HOOK1: variants seen among roughly 807,000 people sequenced by gnomAD.
The protein encoded by HOOK1 is protein Hook homolog 1.
A neutral mutation model predicts 112.8 loss-of-function variants in HOOK1; 60 were observed. The ratio of observed to expected loss-of-function variants is 0.53; its 90% CI spans 0.43 to 0.66. The LOEUF (loss-of-function observed/expected upper bound fraction) is 0.66, where lower values mean the gene tolerates loss of function less well. HOOK1 is among the 30% of genes least tolerant of loss of function. HOOK1 has a pLI of 0.00. For missense variants in HOOK1, 770 were observed against 856.0 expected, an observed-to-expected ratio of 0.90 and a Z score of 1.25; for synonymous variants, 294 against 283.8, an observed-to-expected ratio of 1.04 and a Z score of -0.36.
intron 17 of HOOK1, chr1:59,864,899 T>C (rs1290597809): frequency 9.0e-6 from 5 of 553,716 alleles, no homozygotes; most frequent in Non-Finnish European, 1.6e-5. Context: ...AAAAACAGAT[T>C]AACTATCACA....
chr1:59,829,690 T>G (rs762841952), intron 3 of HOOK1, among the ~76,000 whole-genome samples: 1 of 152,092 alleles, frequency 6.6e-6, no homozygotes, highest in Non-Finnish European at 1.5e-5. Context: ...CTAGATGTTT[T>G]TCAATTTTAC....
At chr1:59,868,864 T>G (rs1644011594) in intron 20 of HOOK1, among the ~76,000 whole-genome samples, 1 of 152,228 alleles carries the variant, frequency 6.6e-6, no homozygotes, top group Non-Finnish European at 1.5e-5. Context: ...TTATTAATCA[T>G]GCAAAATTAT....
intron 21 of HOOK1, among the ~76,000 whole-genome samples, chr1:59,871,862 C>T (rs1425000136): frequency 6.6e-6 from 1 of 152,144 alleles, no homozygotes; most frequent in African/African-American, 2.4e-5. Context: ...TTCATGACAC[C>T]ATGCTTTTCA....
intron 3 of HOOK1, among the ~76,000 whole-genome samples, chr1:59,829,813 G>A (rs900408348): frequency 2.2e-4 from 34 of 151,688 alleles, no homozygotes; most frequent in African/African-American, 8.0e-4. Flanking sequence ...TTCTTAAGGT[G>A]GAAGCTTAAA....
At chr1:59,832,423 T>TA (rs918852655) in intron 4 of HOOK1, among the ~76,000 whole-genome samples, 5 of 152,142 alleles carry the variant, frequency 3.3e-5, no homozygotes, top group African/African-American at 1.2e-4. Context: ...TAGGTATTGA[T>TA]ACTCTCCGAA....
Position 59,865,867 on chromosome 1 carries a change from A to C in HOOK1, c.1745-5A>C, listed in dbSNP as rs760326163. The C allele has an allele frequency of 5.5e-6, 8 of 1,453,838 alleles. No homozygotes were observed. Among genetic ancestry groups the C allele is most frequent in the Non-Finnish European group, 6.6e-6 (7 of 1,060,498 alleles). The allele number at this position is 1,453,838 out of a possible 1,614,324, so 90.1% of individuals were successfully genotyped here. ...GATTATGCTTCATTTTATTTTTACT[A>C]ATAGTACAAAAGATCAATGAACTTG... On this transcript the variant is annotated splice_polypyrimidine_tract_variant and splice_region_variant and intron_variant, in intron 18 of 21. Transcript: ENST00000371208.
intron 20 of HOOK1, 75 bp downstream of exon 20, chr1:59,868,426 C>T (rs746685181): frequency 1.6e-5 from 14 of 859,726 alleles, no homozygotes; most frequent in Non-Finnish European, 2.7e-5. Flanking sequence ...ATATATTTGT[C>T]ATTAATGATC....
chr1:59,819,138 ATTTTTTTTT>A (rs60936378), intron 1 of HOOK1, among the ~76,000 whole-genome samples: 2 of 76,558 alleles, frequency 2.6e-5, no homozygotes, highest in East Asian at 3.5e-4. Context: ...CCCAATAAGC[ATTTTTTTTT>A]TTTTTTTTTT....
Position 59,835,429 on chromosome 1 carries a change from T to TA in HOOK1, c.474+17_474+18insA, listed in dbSNP as rs1416379302. ...ATTCAAGAGGTAAGTTATATCATGT[T>TA]CCTATGAGTATAAAAATCCTAAACC... On this transcript the variant is annotated intron_variant, in intron 6 of 21. Coordinates refer to ENST00000371208, the MANE Select transcript of HOOK1 (RefSeq NM_015888.6). 1 of 1,442,482 alleles carries TA rather than the reference T, an allele frequency of 6.9e-7. No individual in the cohort carries two copies. The highest frequency in any genetic ancestry group is 1.2e-5 in the South Asian group (1 of 83,358). The allele number at this position is 1,442,482 out of a possible 1,614,324, so 89.4% of individuals were successfully genotyped here.
intron 12 of HOOK1, among the ~76,000 whole-genome samples, chr1:59,856,271 A>G (rs940221581): frequency 9.9e-5 from 15 of 150,932 alleles, no homozygotes; most frequent in Non-Finnish European, 1.6e-4. Context: ...CATATCATTT[A>G]TTGTTCTTTT....
intron 1 of HOOK1, among the ~76,000 whole-genome samples, chr1:59,815,673 T>C (rs1028520537): frequency 3.3e-5 from 5 of 152,026 alleles, no homozygotes; most frequent in Non-Finnish European, 7.4e-5. Context: ...CTGGCTGTTT[T>C]AGTTCCCGGA....
chr1:59,840,920 T>A (rs2098400716), intron 8 of HOOK1, among the ~76,000 whole-genome samples: 1 of 152,130 alleles, frequency 6.6e-6, no homozygotes, highest in Admixed American at 6.6e-5. Flanking sequence ...CAATAGTTAA[T>A]GGTTAAGAGG....
intron 15 of HOOK1, among the ~76,000 whole-genome samples, chr1:59,862,208 G>A (rs2098413998): frequency 1.3e-5 from 2 of 152,168 alleles, no homozygotes; most frequent in African/African-American, 4.8e-5. Flanking sequence ...GAGTGTGTAT[G>A]TGTGGATACA....
intron 2 of HOOK1, 57 bp downstream of exon 2, chr1:59,822,000 A>G (rs1179867530): frequency 1.5e-6 from 2 of 1,362,346 alleles, no homozygotes; most frequent in African/African-American, 2.9e-5. Context: ...CATACCAAGG[A>G]AGAAAACTTG....
intron 15 of HOOK1, 135 bp downstream of exon 15, chr1:59,860,463 A>T: frequency 2.8e-6 from 2 of 721,020 alleles, no homozygotes; most frequent in Non-Finnish European, 4.2e-6. Context: ...TATTTTTGTT[A>T]GTAGTCTTTC....
intron 2 of HOOK1, among the ~76,000 whole-genome samples, chr1:59,828,477 A>C (rs2098391515): frequency 6.6e-6 from 1 of 152,184 alleles, no homozygotes; most frequent in Admixed American, 6.5e-5. Context: ...AACAATATCA[A>C]GTGCTTGATA....
chr1:59,832,431 G>A (rs1360110229), intron 4 of HOOK1, among the ~76,000 whole-genome samples: 2 of 152,078 alleles, frequency 1.3e-5, no homozygotes, highest in East Asian at 1.9e-4. Flanking sequence ...GATACTCTCC[G>A]AATTGATTTT....
intron 1 of HOOK1, among the ~76,000 whole-genome samples, chr1:59,815,575 C>G (rs2098380724): frequency 6.6e-6 from 1 of 152,018 alleles, no homozygotes; most frequent in Admixed American, 6.5e-5. Flanking sequence ...TTGCCTTGGT[C>G]CGCTTGGGCG....
Position 59,815,149 on chromosome 1 carries a change from A to AG in HOOK1, c.33dup (p.Leu12AlafsTer28). 1 of 1,543,582 alleles carries AG rather than the reference A, an allele frequency of 6.5e-7. No homozygotes were observed. The highest frequency in any genetic ancestry group is 8.7e-7 in the Non-Finnish European group (1 of 1,146,542). On this transcript the variant is annotated frameshift_variant, in exon 1 of 22. Coordinates refer to ENST00000371208, the MANE Select transcript of HOOK1 (RefSeq NM_015888.6). LOFTEE classifies it high-confidence loss of function. The stretch of plus-strand genomic sequence containing the variant: ...GAGACGCAGCCGCCGCCGCAGCCTA[A>AG]GCTGCCCCTGTGCGACAGCCTCATG...
Sources: gnomAD v4.1 joint callset for allele counts (sites outside exome capture counted in the v4.1 genomes callset) on GRCh38, gnomAD v4.1.1 for gene constraint, MANE v1.5 for transcripts, NCBI Gene and HGNC (gene_info 2026-07-23, HGNC 2026-07-21) for gene names.